Variants in ASIC2 observed in about 807,000 individuals in gnomAD.
The protein encoded by ASIC2 is acid-sensing ion channel 2.
Under a neutral mutation model 57.3 loss-of-function variants are expected in ASIC2, and 25 were observed. The ratio of observed to expected loss-of-function variants is 0.44; its 90% CI spans 0.32 to 0.61. The LOEUF (loss-of-function observed/expected upper bound fraction) is 0.61. Ranked by LOEUF, ASIC2 falls within the 20% of genes least tolerant of loss-of-function variation. ASIC2 has a pLI of 0.06. For synonymous variants in ASIC2, 319 were observed against 307.5 expected (o/e 1.04, Z -0.39); for missense variants, 641 against 738.1 (o/e 0.87, Z 1.52).
intron 3 of ASIC2, among the ~76,000 whole-genome samples, chr17:33,056,870 A>C (rs746655751): frequency 1.2e-4 from 19 of 152,216 alleles, no homozygotes; most frequent in Non-Finnish European, 2.6e-4. Flanking sequence ...ATATGCTGTC[A>C]CTTGCATTAT....
At chr17:33,672,527 G>A (rs576296319) in intron 1 of ASIC2, among the ~76,000 whole-genome samples, 1 of 152,228 alleles carries the variant, frequency 6.6e-6, no homozygotes, top group African/African-American at 2.4e-5. Context: ...TTTGATAGGG[G>A]CATTTTTCTT....
chr17:33,530,439 G>A (rs980074395), intron 1 of ASIC2, among the ~76,000 whole-genome samples: 1 of 152,272 alleles, frequency 6.6e-6, no homozygotes, highest in Non-Finnish European at 1.5e-5. Flanking sequence ...CAAGCAAGGG[G>A]AAGTCTTGGC....
chr17:33,962,593 C>A (rs1904959781), intron 1 of ASIC2, among the ~76,000 whole-genome samples: 1 of 152,090 alleles, frequency 6.6e-6, no homozygotes, highest in South Asian at 2.1e-4. Flanking sequence ...GAATGAAGTG[C>A]TCATGTTCGC....
At chr17:33,620,709 G>A (rs1023171400) in intron 1 of ASIC2, among the ~76,000 whole-genome samples, 1 of 152,190 alleles carries the variant, frequency 6.6e-6, no homozygotes, top group African/African-American at 2.4e-5. Context: ...TTATGAGGTA[G>A]AAAAGATGAT....
intron 1 of ASIC2, among the ~76,000 whole-genome samples, chr17:33,253,852 G>A (rs1174348457): frequency 3.3e-5 from 5 of 152,142 alleles, no homozygotes; most frequent in Admixed American, 6.5e-5. Flanking sequence ...CCATGATGCC[G>A]AGACCATCAG....
chr17:33,952,180 A>C (rs971491367), intron 1 of ASIC2, among the ~76,000 whole-genome samples: 1 of 152,208 alleles, frequency 6.6e-6, no homozygotes, highest in African/African-American at 2.4e-5. Context: ...GCAAATGTTG[A>C]ACAATGAGTG....
intron 1 of ASIC2, among the ~76,000 whole-genome samples, chr17:34,100,289 T>A (rs886590458): frequency 1.3e-5 from 2 of 151,752 alleles, no homozygotes; most frequent in Non-Finnish European, 1.5e-5. Context: ...GAGGTGTGGA[T>A]AAGCGGCATC....
At chr17:33,613,595 C>T (rs1905492444) in intron 1 of ASIC2, among the ~76,000 whole-genome samples, 2 of 152,120 alleles carry the variant, frequency 1.3e-5, no homozygotes, top group African/African-American at 2.4e-5. Flanking sequence ...TCTCGATCTC[C>T]TGACCTTGTG....
At chr17:33,187,140 A>C (rs1597621224) in intron 1 of ASIC2, among the ~76,000 whole-genome samples, 1 of 152,334 alleles carries the variant, frequency 6.6e-6, no homozygotes, top group East Asian at 1.9e-4. Flanking sequence ...ATGCTCAGCA[A>C]GTCTATGAGA....
intron 1 of ASIC2, among the ~76,000 whole-genome samples, chr17:33,453,953 A>T (rs1299766985): frequency 6.6e-6 from 1 of 152,210 alleles, no homozygotes; most frequent in Non-Finnish European, 1.5e-5. Flanking sequence ...TTGCTGCATG[A>T]ATCAATAGGT....
At chr17:33,574,986 T>C (rs528262853) in intron 1 of ASIC2, among the ~76,000 whole-genome samples, 2 of 152,294 alleles carry the variant, frequency 1.3e-5, no homozygotes, top group East Asian at 1.9e-4. Context: ...TTCAGGTCTG[T>C]CTGTTTCAGC....
chr17:33,291,843 C>G lies in ASIC2; in HGVS notation c.273G>C (p.Leu91=). 6.2e-7 allele frequency: 1 copy of G among 1,607,486 alleles called. No individual in the cohort carries two copies. Among genetic ancestry groups the G allele is most frequent in the South Asian group, 1.1e-5 (1 of 90,996 alleles). ...GSFQRRALWV[L]AFCTSFGLLL... is the part of the protein sequence containing the mutation. ...GCAAGCCGAAGGATGTACAGAAGGC[C>G]AGCACCCACAGCGCCCGCCGCTGGA... Residue 91 remains leucine, a synonymous_variant, in exon 1 of 10, where the codon CTG becomes CTC. Coordinates refer to ENST00000225823, the MANE Select transcript of ASIC2 (RefSeq NM_183377.2).
At chr17:33,533,424 T>C (rs4794955) in intron 1 of ASIC2, 108,965 of 152,146 alleles carry the variant, frequency 0.72, 39,239 homozygotes, top group African/African-American at 0.8. Flanking sequence ...TAATCAAGTA[T>C]ATGAAATTTT....
At chr17:33,020,964 C>T (rs972003572) in intron 7 of ASIC2, among the ~76,000 whole-genome samples, 2 of 152,168 alleles carry the variant, frequency 1.3e-5, no homozygotes, top group African/African-American at 4.8e-5. Flanking sequence ...GCTGACCGTC[C>T]TCATTGCATA....
At chr17:33,453,673 G>A (rs1912348237) in intron 1 of ASIC2, among the ~76,000 whole-genome samples, 1 of 152,100 alleles carries the variant, frequency 6.6e-6, no homozygotes, top group Admixed American at 6.6e-5. Flanking sequence ...TTAAGGGTAC[G>A]ACTTAATATG....
At chr17:33,491,974 A>G (rs1184760273) in intron 1 of ASIC2, among the ~76,000 whole-genome samples, 1 of 152,084 alleles carries the variant, frequency 6.6e-6, no homozygotes, top group Admixed American at 6.6e-5. Context: ...TCTTTTTTGT[A>G]GCGGCTTTTT....
At chr17:33,426,736 G>C (rs1911232755) in intron 1 of ASIC2, among the ~76,000 whole-genome samples, 1 of 152,166 alleles carries the variant, frequency 6.6e-6, no homozygotes, top group Admixed American at 6.5e-5. Flanking sequence ...TAGGCTCTGG[G>C]GGCAGGCAGC....
chr17:33,532,010 C>CT (rs1915066708), intron 1 of ASIC2, among the ~76,000 whole-genome samples: 1 of 152,178 alleles, frequency 6.6e-6, no homozygotes, highest in African/African-American at 2.4e-5. Context: ...ATACTGGACA[C>CT]TTTCAGGTCT....
intron 1 of ASIC2, among the ~76,000 whole-genome samples, chr17:33,531,432 C>T (rs1292725618): frequency 1.3e-5 from 2 of 152,180 alleles, no homozygotes. Context: ...GGGCCTCAAT[C>T]CTCTCTGCTT....
Sources: gnomAD v4.1 joint callset for allele counts (sites outside exome capture counted in the v4.1 genomes callset) on GRCh38, gnomAD v4.1.1 for gene constraint, MANE v1.5 for transcripts, NCBI Gene and HGNC (gene_info 2026-07-23, HGNC 2026-07-21) for gene names.